Variants in TMEM131L observed in about 807,000 individuals in gnomAD.
TMEM131L encodes the protein transmembrane 131 like, also known as transmembrane protein 131-like.
TMEM131L carries 54 observed loss-of-function variants against 192.2 expected under a neutral mutation model. The ratio of observed to expected loss-of-function variants is 0.28; its 90% CI spans 0.23 to 0.35. The LOEUF (loss-of-function observed/expected upper bound fraction) is 0.35. Among genes scored for constraint, TMEM131L ranks in the 10% least tolerant of loss-of-function variants. The probability of loss-of-function intolerance (pLI) is 1.00; values close to 1 mark genes in which losing one functional copy is unlikely to be tolerated. For synonymous variants in TMEM131L, 701 were observed against 704.9 expected (o/e 0.99, Z 0.09); for missense variants, 1,888 against 1,972.9 (o/e 0.96, Z 0.82).
intron 3 of TMEM131L, among the ~76,000 whole-genome samples, chr4:153,538,673 G>A (rs1024459934): frequency 1.3e-5 from 2 of 152,226 alleles, no homozygotes; most frequent in African/African-American, 2.4e-5. Flanking sequence ...TATTAGTTCC[G>A]CTGAGCAGCT....
At chr4:153,600,478 T>C (rs539184877) in intron 21 of TMEM131L, among the ~76,000 whole-genome samples, 37 of 152,290 alleles carry the variant, frequency 2.4e-4, no homozygotes, top group African/African-American at 8.4e-4. Context: ...TAACAGACAG[T>C]GCAGATTTAG....
chr4:153,490,755 A>T (rs898053866), intron 3 of TMEM131L, among the ~76,000 whole-genome samples: 3 of 152,028 alleles, frequency 2.0e-5, no homozygotes, highest in African/African-American at 7.2e-5. Flanking sequence ...TTAGATCGAG[A>T]CCATCTTGGC....
At chr4:153,490,619 G>T (rs1385521681) in intron 3 of TMEM131L, among the ~76,000 whole-genome samples, 1 of 152,092 alleles carries the variant, frequency 6.6e-6, no homozygotes. Context: ...AAGGGCTCAT[G>T]AAAGTTATGT....
chr4:153,566,545 G>GTGTGTGTC (rs1729218777), intron 7 of TMEM131L, among the ~76,000 whole-genome samples: 1 of 149,564 alleles, frequency 6.7e-6, no homozygotes, highest in Non-Finnish European at 1.5e-5. Flanking sequence ...GTGTGTGTGT[G>GTGTGTGTC]TGTGTGTCTC....
intron 20 of TMEM131L, 79 bp from the exon 21 acceptor site, chr4:153,598,511 T>C: frequency 8.4e-7 from 1 of 1,192,406 alleles, no homozygotes; most frequent in Non-Finnish European, 1.2e-6. Context: ...TCTTGATAAC[T>C]GGGAATATTT....
intron 29 of TMEM131L, among the ~76,000 whole-genome samples, chr4:153,623,521 T>C (rs1733604296): frequency 6.6e-6 from 1 of 152,214 alleles, no homozygotes; most frequent in African/African-American, 2.4e-5. Context: ...TCCCTCCCTG[T>C]AACCCCTGCT....
intron 17 of TMEM131L, 59 bp from the exon 18 acceptor site, chr4:153,592,416 A>G: frequency 8.8e-7 from 1 of 1,137,296 alleles, no homozygotes; most frequent in Non-Finnish European, 1.3e-6. Context: ...TGGCCAGAAT[A>G]TCTCAGGAGG....
chr4:153,490,335 C>T (rs1054182356), intron 3 of TMEM131L, among the ~76,000 whole-genome samples: 39 of 152,058 alleles, frequency 2.6e-4, no homozygotes, highest in African/African-American at 7.7e-4. Flanking sequence ...GGTAATTAGG[C>T]GCCTTTACAG....
At position 153,612,291 on chromosome 4, in the gene TMEM131L, A is replaced by T. The variant is rs1165108122; in HGVS notation, c.3458A>T (p.His1153Leu). 10 of 1,589,544 alleles carry T rather than the reference A, an allele frequency of 6.3e-6. No homozygotes were observed. Among genetic ancestry groups the T allele is most frequent in the Admixed American group, 1.8e-5 (1 of 55,126 alleles). Residue 1153 changes from histidine to leucine, a missense_variant, in exon 26 of 35, where the codon CAT becomes CTT. Physicochemically the swap from His to Leu is moderately conservative, Grantham distance 99. Coordinates refer to ENST00000409959, the MANE Select transcript of TMEM131L (RefSeq NM_001131007.2). The part of the protein sequence containing the change: ...QQVPVKNEVD[H>L]CENLKKVDTK... ...GTACCTGTCAAGAATGAAGTAGATC[A>T]TTGTGAAAATTTGAAGAAGGTGGAC... is the stretch of plus-strand genomic sequence containing the variant.
intron 3 of TMEM131L, among the ~76,000 whole-genome samples, chr4:153,541,486 G>T (rs958108967): frequency 1.3e-5 from 2 of 152,184 alleles, no homozygotes; most frequent in South Asian, 2.1e-4. Flanking sequence ...ACTCACTGGC[G>T]TGGGAATATA....
intron 4 of TMEM131L, among the ~76,000 whole-genome samples, chr4:153,553,926 TAGC>T (rs1234294170): frequency 2.0e-5 from 3 of 152,322 alleles, no homozygotes; most frequent in Admixed American, 2.0e-4. Context: ...AGAATAAAAA[TAGC>T]AGTGGTGACT....
At chr4:153,560,594 C>A (rs1417264233) in intron 7 of TMEM131L, among the ~76,000 whole-genome samples, 3 of 152,204 alleles carry the variant, frequency 2.0e-5, no homozygotes, top group Admixed American at 6.5e-5. Context: ...AATTTTAGAA[C>A]ATTTTCATTG....
intron 3 of TMEM131L, among the ~76,000 whole-genome samples, chr4:153,483,089 A>C (rs1396403648): frequency 6.6e-6 from 1 of 152,218 alleles, no homozygotes; most frequent in Non-Finnish European, 1.5e-5. Context: ...AATAGGCAAA[A>C]CACTTCGTTA....
At chr4:153,473,353 G>A (rs1348695375) in intron 2 of TMEM131L, among the ~76,000 whole-genome samples, 8 of 152,206 alleles carry the variant, frequency 5.3e-5, no homozygotes, top group Non-Finnish European at 1.5e-5. Context: ...AGAAAGCTGC[G>A]TTTGTCTTCT....
At chr4:153,577,449 T>G (rs963031908) in intron 7 of TMEM131L, among the ~76,000 whole-genome samples, 3 of 152,106 alleles carry the variant, frequency 2.0e-5, no homozygotes, top group African/African-American at 4.8e-5. Flanking sequence ...TTTTGTGGTG[T>G]TAGAGTATTT....
chr4:153,629,211 C>G (rs1734050218), intron 31 of TMEM131L, among the ~76,000 whole-genome samples: 2 of 152,208 alleles, frequency 1.3e-5, no homozygotes, highest in South Asian at 4.1e-4. Context: ...CCTCTGTCAC[C>G]ACAGTTCCAA....
chr4:153,544,998 G>A (rs969719710), intron 3 of TMEM131L, among the ~76,000 whole-genome samples: 4 of 152,178 alleles, frequency 2.6e-5, no homozygotes, highest in Admixed American at 2.6e-4. Flanking sequence ...GATAACATTT[G>A]TGAACAGCTG....
intron 3 of TMEM131L, among the ~76,000 whole-genome samples, chr4:153,510,032 G>C (rs1734246244): frequency 6.6e-6 from 1 of 152,202 alleles, no homozygotes; most frequent in Non-Finnish European, 1.5e-5. Flanking sequence ...CCATCTGATC[G>C]AGTGAAAGTG....
At chr4:153,467,928 A>G (rs971470172) in intron 2 of TMEM131L, among the ~76,000 whole-genome samples, 3 of 152,256 alleles carry the variant, frequency 2.0e-5, no homozygotes, top group Admixed American at 1.3e-4. Flanking sequence ...AACTTTTACA[A>G]GAAATTCCCA....
Sources: gnomAD v4.1 joint callset for allele counts (sites outside exome capture counted in the v4.1 genomes callset) on GRCh38, gnomAD v4.1.1 for gene constraint, MANE v1.5 for transcripts, NCBI Gene and HGNC (gene_info 2026-07-23, HGNC 2026-07-21) for gene names.